The following PAX5 variants were observed in gnomAD, a reference collection of about 807,000 sequenced individuals.
PAX5 encodes the protein paired box 5, also known as paired box protein Pax-5.
In PAX5, 9 loss-of-function variants were observed where a neutral mutation model predicts 43.7. The ratio of observed to expected loss-of-function variants is 0.21; its 90% CI spans 0.12 to 0.36. The LOEUF (loss-of-function observed/expected upper bound fraction) is 0.36. PAX5 is among the 10% of genes least tolerant of loss of function. The probability of loss-of-function intolerance (pLI) is 1.00; values close to 1 mark genes in which losing one functional copy is unlikely to be tolerated. For synonymous variants in PAX5, 228 were observed against 214.3 expected, an observed-to-expected ratio of 1.06 and a Z score of -0.56; for missense variants, 383 against 532.7, an observed-to-expected ratio of 0.72 and a Z score of 2.77.
At chr9:37,033,790 A>G (rs1398689123) in intron 1 of PAX5, among the ~76,000 whole-genome samples, 196 bp downstream of exon 1, 1 of 152,206 alleles carries the variant, frequency 6.6e-6, no homozygotes, top group Admixed American at 6.5e-5. Flanking sequence ...AAAAACACAG[A>G]CAAACTCACA....
At chr9:36,912,537 T>C (rs1416391602) in intron 7 of PAX5, among the ~76,000 whole-genome samples, 2 of 152,176 alleles carry the variant, frequency 1.3e-5, no homozygotes, top group African/African-American at 4.8e-5. Flanking sequence ...CATTTCATCA[T>C]ATAATGGCAG....
chr9:36,866,900 A>G lies in PAX5; in HGVS notation c.1012+15104T>C, dbSNP rs947778451. ...AACACGCTCCACACAGGCACAGCCCAATCTACACAGGGCTAACAGCCTTCA... is the reference window on the plus strand; with the variant it reads ...AACACGCTCCACACAGGCACAGCCCGATCTACACAGGGCTAACAGCCTTCA... On this transcript the variant is annotated intron_variant, in intron 8 of 9. Transcript: ENST00000358127. 7.8e-5 allele frequency among the ~76,000 whole-genome samples: 11 copies of G among 141,528 alleles called. No homozygotes were observed. The East Asian group carries it at 8.7e-4, about 11-fold the overall frequency. 92.8% of individuals were successfully genotyped at this position (141,528 alleles called of 152,430 possible). A position where few individuals can be genotyped will look rare whatever the true frequency, so the allele number is the denominator to read the frequency against.
At chr9:36,963,560 T>A (rs1167952058) in intron 6 of PAX5, among the ~76,000 whole-genome samples, 2 of 152,212 alleles carry the variant, frequency 1.3e-5, no homozygotes, top group African/African-American at 4.8e-5. Flanking sequence ...CTTGGCACTG[T>A]GCCTGGCTCC....
At chr9:36,854,209 T>G (rs1184143604) in intron 8 of PAX5, among the ~76,000 whole-genome samples, 1 of 152,218 alleles carries the variant, frequency 6.6e-6, no homozygotes, top group East Asian at 1.9e-4. Flanking sequence ...GCCTGGTGGC[T>G]CAGGGATCGG....
intron 5 of PAX5, among the ~76,000 whole-genome samples, chr9:36,980,646 C>G (rs571520154): frequency 6.6e-6 from 1 of 152,108 alleles, no homozygotes; most frequent in Non-Finnish European, 1.5e-5. Flanking sequence ...AATCTGGCCA[C>G]AGTGTAGAGA....
At chr9:36,879,300 C>T (rs918663932) in intron 8 of PAX5, among the ~76,000 whole-genome samples, 1 of 152,234 alleles carries the variant, frequency 6.6e-6, no homozygotes, top group Non-Finnish European at 1.5e-5. Flanking sequence ...CTGGAGGAAT[C>T]CTGGTGGCCA....
In PAX5 at chr9:36,834,242, C is replaced by T. The variant is rs1821481236; in HGVS notation, c.*6318G>A. ...TCACTGCCCGCCACCCTCTGTTGTG[C>T]TGGGTGCTTGGGGCCAGGGGATGGG... On this transcript the variant is annotated 3_prime_UTR_variant, in exon 10 of 10. Coordinates refer to ENST00000358127, the MANE Select transcript of PAX5 (RefSeq NM_016734.3). 4.3e-6 allele frequency: 1 copy of T among 233,208 alleles called. No homozygotes were observed. Among genetic ancestry groups the T allele is most frequent in the Admixed American group, 5.6e-5 (1 of 17,784 alleles). 14.4% of individuals were successfully genotyped at this position (233,208 alleles called of 1,614,324 possible).
intron 3 of PAX5, among the ~76,000 whole-genome samples, chr9:37,010,192 A>T (rs1385348574): frequency 2.0e-5 from 3 of 152,240 alleles, no homozygotes; most frequent in African/African-American, 4.8e-5. Flanking sequence ...AGCCAGGGAC[A>T]GTTGGGCTGA....
At chr9:37,003,276 G>T (rs989937275) in intron 4 of PAX5, among the ~76,000 whole-genome samples, 5 of 151,506 alleles carry the variant, frequency 3.3e-5, no homozygotes, top group Non-Finnish European at 5.9e-5. Flanking sequence ...TCACGCGCAC[G>T]GCTAACAAAC....
At chr9:36,981,614 G>A (rs972267705) in intron 5 of PAX5, among the ~76,000 whole-genome samples, 2 of 152,146 alleles carry the variant, frequency 1.3e-5, no homozygotes, top group Non-Finnish European at 2.9e-5. Context: ...AAACAGTGGG[G>A]TCTCCCAGGC....
At chr9:36,920,676 A>G (rs544653585) in intron 7 of PAX5, among the ~76,000 whole-genome samples, 81 of 152,132 alleles carry the variant, frequency 5.3e-4, no homozygotes, top group African/African-American at 1.8e-3. Context: ...TACCAGTTCA[A>G]CTCCTAATCT....
intron 3 of PAX5, among the ~76,000 whole-genome samples, chr9:37,008,486 A>C (rs1365996454): frequency 1.3e-5 from 2 of 152,254 alleles, no homozygotes; most frequent in African/African-American, 2.4e-5. Context: ...CAAATGAAGA[A>C]TGACAGAAGT....
intron 6 of PAX5, among the ~76,000 whole-genome samples, chr9:36,923,811 AG>A (rs1396754377): frequency 2.6e-5 from 4 of 152,250 alleles, no homozygotes; most frequent in African/African-American, 4.8e-5. Flanking sequence ...TCCTCAGTGC[AG>A]GGATGGAGGG....
chr9:36,929,250 G>A (rs867292733), intron 6 of PAX5, among the ~76,000 whole-genome samples: 28 of 46,194 alleles, frequency 6.1e-4, no homozygotes, highest in South Asian at 2.3e-3. Context: ...AGGAAGGAAG[G>A]AAGGAAGGAA....
intron 8 of PAX5, among the ~76,000 whole-genome samples, chr9:36,852,345 T>C (rs560968192): frequency 6.6e-6 from 1 of 152,116 alleles, no homozygotes; most frequent in Non-Finnish European, 1.5e-5. Flanking sequence ...ATCCACATAC[T>C]CAACATGCCC....
At chr9:36,927,029 T>C (rs1283203072) in intron 6 of PAX5, among the ~76,000 whole-genome samples, 4 of 151,898 alleles carry the variant, frequency 2.6e-5, no homozygotes, top group Non-Finnish European at 4.4e-5. Flanking sequence ...TCAGAGGTAA[T>C]AGGACAAGAG....
chr9:36,948,422 TG>T (rs1028320114), intron 6 of PAX5, among the ~76,000 whole-genome samples: 2 of 152,222 alleles, frequency 1.3e-5, no homozygotes, highest in Non-Finnish European at 2.9e-5. Flanking sequence ...GAGGCAGATC[TG>T]GGAGACCGGA....
At chr9:37,006,406 A>G in intron 4 of PAX5, 67 bp downstream of exon 4, 1 of 1,181,982 alleles carries the variant, frequency 8.5e-7, no homozygotes, top group Non-Finnish European at 1.3e-6. Flanking sequence ...CATAAGAATG[A>G]TTAAAAGTTC....
Position 36,895,260 on chromosome 9 carries a change from A to G in PAX5, c.911-13155T>C, listed in dbSNP as rs75652819. 9.6e-3 allele frequency among the ~76,000 whole-genome samples: 1,459 copies of G among 152,358 alleles called. 25 individuals carry two copies. Among genetic ancestry groups the G allele is most frequent in the African/African-American group, 0.032 (1,324 of 41,580 alleles). On this transcript the variant is annotated intron_variant, in intron 7 of 9. Coordinates refer to ENST00000358127, the MANE Select transcript of PAX5 (RefSeq NM_016734.3). ...ACCCCATGCCTGTGTGTGCCGCCGA[A>G]TCCGCCGAATGCATGCGAGGTACAT...
Sources: allele counts gnomAD v4.1 joint callset (sites outside exome capture counted in the v4.1 genomes callset), GRCh38; gene constraint gnomAD v4.1.1; transcripts MANE v1.5; gene names NCBI Gene and HGNC (gene_info 2026-07-23, HGNC 2026-07-21).